Variants in RPRD1B observed in about 807,000 individuals in gnomAD.
RPRD1B encodes the protein regulation of nuclear pre-mRNA domain containing 1B, also known as regulation of nuclear pre-mRNA domain-containing protein 1B.
A neutral mutation model predicts 41.5 loss-of-function variants in RPRD1B; 11 were observed. The observed-to-expected ratio is 0.27, with a 90% CI of 0.17 to 0.44. The LOEUF (loss-of-function observed/expected upper bound fraction) is 0.44. RPRD1B is among the 20% of genes least tolerant of loss of function. RPRD1B has a pLI of 1.00. For missense variants in RPRD1B, 248 were observed against 389.9 expected (o/e 0.64, Z 3.06); for synonymous variants, 158 against 155.6 (o/e 1.02, Z -0.12).
chr20:38,080,972 G>T (rs1480375530), intron 6 of RPRD1B, among the ~76,000 whole-genome samples: 1 of 152,186 alleles, frequency 6.6e-6, no homozygotes, highest in African/African-American at 2.4e-5. Flanking sequence ...TGTTCTTTTT[G>T]CTTAGGATTG....
At chr20:38,050,988 C>T (rs2074179383) in intron 3 of RPRD1B, among the ~76,000 whole-genome samples, 1 of 152,126 alleles carries the variant, frequency 6.6e-6, no homozygotes, top group East Asian at 1.9e-4. Context: ...TTTGAGTAGT[C>T]CTTTTATATT....
chr20:38,089,987 C>A lies in RPRD1B; in HGVS notation c.*112C>A. The A allele has an allele frequency of 1.3e-6, 2 of 1,487,170 alleles. No individual in the cohort carries two copies. The highest frequency in any genetic ancestry group is 1.8e-6 in the Non-Finnish European group (2 of 1,123,456). 92.1% of individuals were successfully genotyped at this position (1,487,170 alleles called of 1,614,324 possible). A position where few individuals can be genotyped will look rare whatever the true frequency, so the allele number is the denominator to read the frequency against. ...TCTATCCCTTCTTCCGCCCAGCCCC[C>A]CAGCCTCAAGAAAGAACCTCAGACT... On this transcript the variant is annotated 3_prime_UTR_variant, in exon 7 of 7. Transcript: ENST00000373433.
Position 38,089,877 on chromosome 20 carries a change from A to G in RPRD1B, c.*2A>G. The G allele has an allele frequency of 6.2e-7, 1 of 1,609,062 alleles. No individual in the cohort carries two copies. The highest frequency in any genetic ancestry group is 8.5e-7 in the Non-Finnish European group (1 of 1,178,232). ...GGGGACCTGTTTTCAACTGACTAGG[A>G]TGGGTGTCATGTCCCAGATTTCTGT... On this transcript the variant is annotated 3_prime_UTR_variant, in exon 7 of 7. Coordinates refer to ENST00000373433, the MANE Select transcript of RPRD1B (RefSeq NM_021215.4).
At chr20:38,059,318 C>T (rs1244540998) in intron 4 of RPRD1B, 76 bp from the exon 5 acceptor site, 32 of 1,449,884 alleles carry the variant, frequency 2.2e-5, no homozygotes, top group African/African-American at 2.9e-5. Context: ...TTTGCCTCCA[C>T]CTCATTTAAC....
At chr20:38,080,951 G>A (rs1269815286) in intron 6 of RPRD1B, among the ~76,000 whole-genome samples, 1 of 152,186 alleles carries the variant, frequency 6.6e-6, no homozygotes, top group Non-Finnish European at 1.5e-5. Context: ...GTAATGTGAT[G>A]CCCTGGGCTT....
Position 38,039,407 on chromosome 20 carries a change from C to CTTTTTTTTTTTTTTTTTTTTT in RPRD1B, c.152-1014_152-1013insTTTTTTTTTTTTTTTTTTTTT, listed in dbSNP as rs1165738530. Among the ~76,000 whole-genome samples, 15 of 141,732 alleles carry CTTTTTTTTTTTTTTTTTTTTT rather than the reference C, an allele frequency of 1.1e-4. 1 individual carries two copies. Among genetic ancestry groups the CTTTTTTTTTTTTTTTTTTTTT allele is most frequent in the African/African-American group, 1.6e-4 (6 of 38,360 alleles). The allele number at this position is 141,732 out of a possible 152,430, so 93.0% of individuals were successfully genotyped here. A position where few individuals can be genotyped will look rare whatever the true frequency, so the allele number is the denominator to read the frequency against. ...GTTTAGGAGCAAAATTACAAGAAAC[C>CTTTTTTTTTTTTTTTTTTTTT]TTTTTTTTTTTTTTGAGACGGAGTT... On this transcript the variant is annotated intron_variant, in intron 1 of 6. Transcript: ENST00000373433.
In RPRD1B at chr20:38,091,855, G is replaced by T. The variant is rs2074614688; in HGVS notation, c.*1980G>T. On this transcript the variant is annotated 3_prime_UTR_variant, in exon 7 of 7. Transcript: ENST00000373433. Reference sequence around the variant, plus strand: ...ACTGAGTCTCTGACCAGCAATTGGTGCATAATTATTACAGCAAAAGTTAAG... The same window carrying T: ...ACTGAGTCTCTGACCAGCAATTGGTTCATAATTATTACAGCAAAAGTTAAG... The T allele has an allele frequency of 2.0e-6, 2 of 985,682 alleles. No homozygotes were observed. The highest frequency in any genetic ancestry group is 9.4e-5 in the South Asian group (2 of 21,292). 61.1% of individuals were successfully genotyped at this position (985,682 alleles called of 1,614,324 possible). A position where few individuals can be genotyped will look rare whatever the true frequency, so the allele number is the denominator to read the frequency against.
At chr20:38,082,024 A>G (rs1317247767) in intron 6 of RPRD1B, among the ~76,000 whole-genome samples, 2 of 152,030 alleles carry the variant, frequency 1.3e-5, no homozygotes, top group Non-Finnish European at 2.9e-5. Context: ...TTCTTTCTTC[A>G]TTGTGTCTGC....
chr20:38,074,012 A>T (rs1680919395), intron 6 of RPRD1B, among the ~76,000 whole-genome samples: 1 of 152,168 alleles, frequency 6.6e-6, no homozygotes, highest in Non-Finnish European at 1.5e-5. Context: ...AGGTTGTTAG[A>T]ATAGTTGTTA....
At position 38,090,260 on chromosome 20, in the gene RPRD1B, C is replaced by T; in HGVS notation, c.*385C>T. On this transcript the variant is annotated 3_prime_UTR_variant, in exon 7 of 7. Transcript: ENST00000373433. ...CAGCATTTTATCATGAAAGCAGCTT[C>T]TCCTTTCTGGGCTGGGCTTGTTCAA... 3.0e-5 allele frequency: 30 copies of T among 991,480 alleles called. No homozygotes were observed. The highest frequency in any genetic ancestry group is 3.6e-5 in the Non-Finnish European group (30 of 833,420). 61.4% of individuals were successfully genotyped at this position (991,480 alleles called of 1,614,324 possible).
intron 6 of RPRD1B, among the ~76,000 whole-genome samples, chr20:38,077,729 G>A (rs1302824603): frequency 6.6e-6 from 1 of 152,162 alleles, no homozygotes; most frequent in Non-Finnish European, 1.5e-5. Context: ...GATCCTTGCA[G>A]TAGCCTCATG....
chr20:38,053,702 A>T (rs965824373), intron 3 of RPRD1B, among the ~76,000 whole-genome samples: 3 of 152,212 alleles, frequency 2.0e-5, no homozygotes, highest in African/African-American at 7.2e-5. Flanking sequence ...AACAGAATAC[A>T]GTCTTCCATA....
chr20:38,051,130 T>A (rs2074180691), intron 3 of RPRD1B, among the ~76,000 whole-genome samples: 1 of 152,232 alleles, frequency 6.6e-6, no homozygotes, highest in Non-Finnish European at 1.5e-5. Context: ...GGAATTCTGT[T>A]TTAGAACTGG....
At chr20:38,065,987 G>T in intron 5 of RPRD1B, 94 bp from the exon 6 acceptor site, 1 of 1,236,522 alleles carries the variant, frequency 8.1e-7, no homozygotes, top group Non-Finnish European at 1.1e-6. Context: ...TCTGTATATT[G>T]GGAGAGAAAC....
rs544477162 is a variant in RPRD1B, at chr20:38,070,876, C to T, written c.831+4620C>T. On this transcript the variant is annotated intron_variant, in intron 6 of 6. Coordinates refer to ENST00000373433, the MANE Select transcript of RPRD1B (RefSeq NM_021215.4). ...CCTCCCGAGTAGCTGGGACTACAGG[C>T]GCATGCCACCACACCCAGCTAATTT... Among the ~76,000 whole-genome samples, 249 of 151,796 alleles carry T rather than the reference C, an allele frequency of 1.6e-3. 1 individual carries two copies. The highest frequency in any genetic ancestry group is 0.014 in the South Asian group (67 of 4,818).
chr20:38,062,805 C>T (rs989450795), intron 5 of RPRD1B, among the ~76,000 whole-genome samples: 4 of 135,446 alleles, frequency 3.0e-5, no homozygotes, highest in South Asian at 2.8e-4. Flanking sequence ...ACGACTCCCC[C>T]CATCACCAAA....
intron 5 of RPRD1B, among the ~76,000 whole-genome samples, chr20:38,063,647 G>T: frequency 6.6e-6 from 1 of 152,132 alleles, no homozygotes; most frequent in East Asian, 1.9e-4. Context: ...TCTTAGGAGG[G>T]AGAGAGAGAA....
chr20:38,064,431 C>G (rs897092021), intron 5 of RPRD1B, among the ~76,000 whole-genome samples: 1 of 152,154 alleles, frequency 6.6e-6, no homozygotes, highest in African/African-American at 2.4e-5. Flanking sequence ...CAGCCTGTAT[C>G]CATAGGGAAT....
intron 2 of RPRD1B, among the ~76,000 whole-genome samples, chr20:38,042,101 C>T (rs2074072123): frequency 6.6e-6 from 1 of 152,122 alleles, no homozygotes; most frequent in Non-Finnish European, 1.5e-5. Context: ...AGGGAGTTGG[C>T]TGGAATGATT....
Sources: allele counts gnomAD v4.1 joint callset (sites outside exome capture counted in the v4.1 genomes callset), GRCh38; gene constraint gnomAD v4.1.1; transcripts MANE v1.5; gene names NCBI Gene and HGNC (gene_info 2026-07-23, HGNC 2026-07-21).